PPM1H: variants seen among roughly 807,000 people sequenced by gnomAD.
PPM1H encodes protein phosphatase 1H.
In PPM1H, 27 loss-of-function variants were observed where a neutral mutation model predicts 54.9. The ratio of observed to expected loss-of-function variants is 0.49; its 90% CI spans 0.36 to 0.68. The LOEUF (loss-of-function observed/expected upper bound fraction) is 0.68, where lower values mean the gene tolerates loss of function less well. Ranked by LOEUF, PPM1H falls within the 30% of genes least tolerant of loss-of-function variation. PPM1H has a pLI of 0.00. For missense variants in PPM1H, 596 were observed against 667.8 expected (o/e 0.89, Z 1.19); for synonymous variants, 305 against 270.8 (o/e 1.13, Z -1.24).
chr12:62,735,122 C>T (rs886443151), intron 5 of PPM1H, among the ~76,000 whole-genome samples: 4 of 152,190 alleles, frequency 2.6e-5, no homozygotes, highest in South Asian at 2.1e-4. Context: ...TCATACCCTG[C>T]TGTGAAATGT....
intron 3 of PPM1H, among the ~76,000 whole-genome samples, chr12:62,798,555 G>A (rs1046456859): frequency 6.6e-6 from 1 of 152,066 alleles, no homozygotes; most frequent in Non-Finnish European, 1.5e-5. Flanking sequence ...GACAATCTGG[G>A]GGGAAAAAGT....
chr12:62,856,326 T>C (rs1450026608), intron 1 of PPM1H, among the ~76,000 whole-genome samples: 1 of 152,174 alleles, frequency 6.6e-6, no homozygotes, highest in Non-Finnish European at 1.5e-5. Context: ...TGAGCATAAG[T>C]TAAAGAGGGG....
intron 1 of PPM1H, among the ~76,000 whole-genome samples, chr12:62,870,670 G>A (rs1036525124): frequency 1.3e-5 from 2 of 152,168 alleles, no homozygotes; most frequent in African/African-American, 4.8e-5. Flanking sequence ...GAGGGAATAT[G>A]GGAGGATGAC....
rs1388725115 is a variant in PPM1H at position 62,845,579 on chromosome 12, T to C, written c.246-13300A>G. ...TGACTTCCTATCCCCAACTAGACCT[T>C]TAATACGGGTGTACAAGGGAACCTC... On this transcript the variant is annotated intron_variant, in intron 1 of 9. Coordinates refer to ENST00000228705, the MANE Select transcript of PPM1H (RefSeq NM_020700.2). Among the ~76,000 whole-genome samples the C allele has an allele frequency of 3.3e-5, 5 of 152,170 alleles. No homozygotes were observed. In the East Asian group the frequency reaches 9.6e-4, roughly 29 times the overall value.
chr12:62,720,463 TA>T (rs1240181175), intron 5 of PPM1H, among the ~76,000 whole-genome samples, 174 bp from the exon 6 acceptor site: 1 of 152,192 alleles, frequency 6.6e-6, no homozygotes, highest in Admixed American at 6.5e-5. Flanking sequence ...GACGAGCACA[TA>T]AAAATGAATT....
intron 6 of PPM1H, among the ~76,000 whole-genome samples, chr12:62,710,083 A>G (rs2076198822): frequency 1.3e-5 from 2 of 152,040 alleles, no homozygotes; most frequent in African/African-American, 4.8e-5. Flanking sequence ...TCAAAAAAAA[A>G]AGCCAGTCTT....
At chr12:62,667,836 T>C (rs1166917412) in intron 8 of PPM1H, among the ~76,000 whole-genome samples, 2 of 152,204 alleles carry the variant, frequency 1.3e-5, no homozygotes, top group East Asian at 3.9e-4. Context: ...TAGTAGCTGC[T>C]CTACATGTAT....
In PPM1H at chr12:62,934,717, G is replaced by T; in HGVS notation, c.20C>A (p.Ser7Tyr). MLTRVK[S>Y]AVANFMGGIM... ...GCCGCCCATGAAATTGGCCACGGCA[G>T]ATTTCACTCGAGTGAGCATATTACT... Residue 7 changes from serine (S) to tyrosine (Y), a missense_variant, in exon 1 of 10, where the codon TCT (serine) becomes TAT (tyrosine). By Grantham distance (144) the Ser-to-Tyr change is moderately radical (BLOSUM62 -2). Around this residue, in one of 3 missense-constraint regions of PPM1H, gnomAD observed 382 missense variants for 387.1 expected, o/e 0.99. Coordinates refer to ENST00000228705, the MANE Select transcript of PPM1H (RefSeq NM_020700.2). The surrounding 1 kb of genome is among the most constrained non-coding windows in gnomAD (Gnocchi z 4.2). The T allele has an allele frequency of 6.2e-7, 1 of 1,603,582 alleles. No homozygotes were observed. Among genetic ancestry groups the T allele is most frequent in the Non-Finnish European group, 8.5e-7 (1 of 1,174,266 alleles).
chr12:62,931,228 G>C (rs768464797), intron 1 of PPM1H, among the ~76,000 whole-genome samples: 21 of 152,186 alleles, frequency 1.4e-4, no homozygotes, highest in Non-Finnish European at 3.1e-4. Flanking sequence ...GAGGTAAACA[G>C]ATCACTTCTG....
Position 62,934,468 on chromosome 12 carries a change from C to A in PPM1H, c.245+24G>T, listed in dbSNP as rs1872255090. ...GGAAGGGCCGCGAGGAGAGCAGGGG[C>A]GCCGCCGGTGTCGCTGCACTCACTC... On this transcript the variant is annotated intron_variant, in intron 1 of 9. Transcript: ENST00000228705. This position sits in a 1 kb window ranked among gnomAD's most constrained non-coding sequence, Gnocchi z 4.2. The A allele has an allele frequency of 1.3e-6, 2 of 1,521,750 alleles. No individual in the cohort carries two copies. Among genetic ancestry groups the A allele is most frequent in the Non-Finnish European group, 1.8e-6 (2 of 1,135,870 alleles). 94.3% of individuals were successfully genotyped at this position (1,521,750 alleles called of 1,614,324 possible).
intron 1 of PPM1H, among the ~76,000 whole-genome samples, chr12:62,898,539 A>T (rs901439569): frequency 6.6e-6 from 1 of 152,218 alleles, no homozygotes; most frequent in African/African-American, 2.4e-5. Context: ...AAACAGTGCA[A>T]ACATACACAA....
intron 4 of PPM1H, among the ~76,000 whole-genome samples, chr12:62,744,438 T>A: frequency 7.1e-6 from 1 of 140,008 alleles, no homozygotes; most frequent in Admixed American, 7.5e-5. Flanking sequence ...ACCACTGCAC[T>A]CCAGCCTGGG....
chr12:62,768,424 G>A (rs1428342255), intron 4 of PPM1H, among the ~76,000 whole-genome samples: 1 of 152,214 alleles, frequency 6.6e-6, no homozygotes, highest in Admixed American at 6.5e-5. Context: ...GGGAGGCCAA[G>A]GTGGGCGGAT....
At chr12:62,760,384 C>T (rs1378669192) in intron 4 of PPM1H, among the ~76,000 whole-genome samples, 1 of 152,076 alleles carries the variant, frequency 6.6e-6, no homozygotes, top group African/African-American at 2.4e-5. Context: ...TTCTACTAAC[C>T]CATCTGACCT....
chr12:62,724,040 A>G (rs1183682057), intron 5 of PPM1H, among the ~76,000 whole-genome samples: 1 of 152,152 alleles, frequency 6.6e-6, no homozygotes, highest in East Asian at 1.9e-4. Flanking sequence ...CACCATACCC[A>G]GAGGAAAGAA....
At chr12:62,840,086 C>T (rs11174691) in intron 1 of PPM1H, 2 of 100,856 alleles carry the variant, frequency 2.0e-5, no homozygotes, top group African/African-American at 6.3e-5. Context: ...AGAGAGAGAG[C>T]GAGAGAAATA....
At chr12:62,928,971 A>G (rs1483391056) in intron 1 of PPM1H, among the ~76,000 whole-genome samples, 2 of 152,230 alleles carry the variant, frequency 1.3e-5, no homozygotes, top group African/African-American at 4.8e-5. Flanking sequence ...ACAGCAGGGA[A>G]GGTCTTGGGC....
At chr12:62,831,697 T>TTGTGTGTGTGTGTG (rs1225248619) in intron 2 of PPM1H, among the ~76,000 whole-genome samples, 5 of 149,580 alleles carry the variant, frequency 3.3e-5, no homozygotes, top group African/African-American at 7.5e-5. Context: ...CCGTCAAACA[T>TTGTGTGTGTGTGTG]TGTGTGTGTA....
At chr12:62,764,161 T>C (rs567804270) in intron 4 of PPM1H, among the ~76,000 whole-genome samples, 6 of 149,374 alleles carry the variant, frequency 4.0e-5, no homozygotes, top group South Asian at 2.2e-4. Context: ...GGGACAAAAA[T>C]AGTGAAATGA....
Sources: gnomAD v4.1 joint callset for allele counts (sites outside exome capture counted in the v4.1 genomes callset) on GRCh38, gnomAD v4.1.1 for gene constraint, gnomAD v4.1.1 regional missense constraint, Gnocchi (gnomAD v3.1) non-coding constraint, MANE v1.5 for transcripts, NCBI Gene and HGNC (gene_info 2026-07-23, HGNC 2026-07-21) for gene names.